Variants in FMN1 observed in about 807,000 individuals in gnomAD.
FMN1 encodes the protein formin 1, also known as formin-1.
In FMN1, 110 loss-of-function variants were observed where a neutral mutation model predicts 132.4. The ratio of observed to expected loss-of-function variants is 0.83; its 90% CI spans 0.71 to 0.97. The LOEUF is 0.97. Among genes scored for constraint, FMN1 ranks in the 50% least tolerant of loss-of-function variants. FMN1 has a pLI of 0.00. For synonymous variants in FMN1, 722 were observed against 651.7 expected, an observed-to-expected ratio of 1.11 and a Z score of -1.64; for missense variants, 1,792 against 1,705.3, an observed-to-expected ratio of 1.05 and a Z score of -0.90.
At chr15:33,156,337 G>A (rs1233905728) in intron 3 of FMN1, among the ~76,000 whole-genome samples, 3 of 147,380 alleles carry the variant, frequency 2.0e-5, no homozygotes, top group Non-Finnish European at 4.4e-5. Context: ...CTGGAGTACA[G>A]TGGTGCAAAC....
chr15:33,188,213 G>A (rs978947188), intron 2 of FMN1, among the ~76,000 whole-genome samples: 3 of 151,826 alleles, frequency 2.0e-5, no homozygotes, highest in Admixed American at 6.5e-5. Flanking sequence ...GGTGGCGCAC[G>A]CCTGTGATCC....
intron 4 of FMN1, among the ~76,000 whole-genome samples, chr15:33,119,633 T>C (rs376625974): frequency 5.2e-4 from 79 of 152,366 alleles, no homozygotes; most frequent in African/African-American, 1.8e-3. Flanking sequence ...TTTCAAGGGA[T>C]AGAAGTGATC....
At chr15:33,107,492 C>A (rs1373509198) in intron 4 of FMN1, among the ~76,000 whole-genome samples, 5 of 151,982 alleles carry the variant, frequency 3.3e-5, no homozygotes, top group Non-Finnish European at 7.4e-5. Flanking sequence ...CTCCCCATCT[C>A]CTAACCTCTC....
At position 32,900,107 on chromosome 15, in the gene FMN1, T is replaced by G. The variant is rs2060259618; in HGVS notation, c.3526A>C (p.Ser1176Arg). The G allele has an allele frequency of 6.2e-7, 1 of 1,613,712 alleles. No individual in the cohort carries two copies. The highest frequency in any genetic ancestry group is 1.7e-5 in the Admixed American group (1 of 60,004). The part of the protein sequence containing the change: ...RASKDLLHVK[S>R]VKDILALILA... The stretch of plus-strand genomic sequence containing the variant: ...ATGAGAGCTAAAATATCCTTCACGC[T>G]CTTCACGTGCAGCAAGTCCTGTGAT... The change falls in exon 14 of 21, where the codon AGC (serine) becomes CGC (arginine). Residue 1176 changes from serine to arginine, a missense_variant. Physicochemically the swap from Ser to Arg is moderately radical, Grantham distance 110. This residue lies in a region of FMN1 where 1,150 missense variants were observed against 1,043.1 expected (regional missense o/e 1.10). Coordinates refer to ENST00000616417, the MANE Select transcript of FMN1 (RefSeq NM_001277313.2).
chr15:33,128,337 G>A (rs982310645), intron 4 of FMN1, among the ~76,000 whole-genome samples: 8 of 152,088 alleles, frequency 5.3e-5, no homozygotes, highest in South Asian at 2.1e-4. Context: ...GTCTGATTCC[G>A]GGCCTGATCC....
chr15:32,809,251 T>G (rs577600497), intron 17 of FMN1, among the ~76,000 whole-genome samples: 2 of 152,248 alleles, frequency 1.3e-5, no homozygotes, highest in South Asian at 2.1e-4. Context: ...TTTGAGAGGT[T>G]AAGTTTTCTG....
chr15:32,894,703 T>G (rs1207959614), intron 15 of FMN1, among the ~76,000 whole-genome samples: 2 of 152,114 alleles, frequency 1.3e-5, no homozygotes, highest in Admixed American at 1.3e-4. Context: ...GACTAAGTTA[T>G]TTTTCACTAC....
chr15:33,010,524 G>T (rs891480729), intron 6 of FMN1, among the ~76,000 whole-genome samples: 9 of 151,998 alleles, frequency 5.9e-5, no homozygotes, highest in Admixed American at 5.2e-4. Context: ...GTAAGATTCA[G>T]CATAACACAA....
In FMN1 at chr15:32,938,512, G is replaced by C. The variant is rs1163187570; in HGVS notation, c.3139-12251C>G. ...CCACTGCTCGCCAGCCTGGGTGACA[G>C]AGCAAAGACTCTGTCTGAAGAAATG... On this transcript the variant is annotated intron_variant, in intron 9 of 20. Coordinates refer to ENST00000616417, the MANE Select transcript of FMN1 (RefSeq NM_001277313.2). Among the ~76,000 whole-genome samples the C allele has an allele frequency of 2.0e-5, 3 of 152,288 alleles. No individual in the cohort carries two copies. In the South Asian group the frequency reaches 6.2e-4, roughly 32 times the overall value.
chr15:32,991,149 A>G (rs1401782340), intron 7 of FMN1, among the ~76,000 whole-genome samples: 1 of 152,194 alleles, frequency 6.6e-6, no homozygotes, highest in African/African-American at 2.4e-5. Flanking sequence ...AAATAAAGGC[A>G]TTTATAGCCC....
At chr15:32,930,688 C>T (rs950993041) in intron 9 of FMN1, among the ~76,000 whole-genome samples, 5 of 151,864 alleles carry the variant, frequency 3.3e-5, no homozygotes, top group African/African-American at 1.2e-4. Context: ...TTAACATAGT[C>T]CCCTTTGTGC....
At chr15:32,964,040 C>CACACACAT in intron 9 of FMN1, 67 bp downstream of exon 9, 3 of 1,161,032 alleles carry the variant, frequency 2.6e-6, no homozygotes, top group East Asian at 2.4e-5. Flanking sequence ...CACACACACA[C>CACACACAT]ACACACACAT....
intron 4 of FMN1, among the ~76,000 whole-genome samples, chr15:33,097,059 C>T (rs1235253996): frequency 6.6e-6 from 1 of 151,922 alleles, no homozygotes; most frequent in East Asian, 1.9e-4. Flanking sequence ...TTTGGGAGGC[C>T]GAGGTGGGTG....
intron 5 of FMN1, among the ~76,000 whole-genome samples, chr15:33,079,747 T>C (rs925210128): frequency 6.6e-6 from 1 of 152,258 alleles, no homozygotes; most frequent in Non-Finnish European, 1.5e-5. Flanking sequence ...ATGATAACCA[T>C]CCTTCACATC....
intron 9 of FMN1, among the ~76,000 whole-genome samples, chr15:32,933,667 T>C (rs1415235084): frequency 6.6e-6 from 1 of 152,194 alleles, no homozygotes; most frequent in African/African-American, 2.4e-5. Flanking sequence ...CATATAACTG[T>C]TATATCTTCC....
At chr15:33,162,425 TAA>T (rs202101054) in intron 3 of FMN1, among the ~76,000 whole-genome samples, 1 of 142,834 alleles carries the variant, frequency 7.0e-6, no homozygotes, top group African/African-American at 2.6e-5. Flanking sequence ...TCAGAGGAGT[TAA>T]AAAAAAAAAG....
At chr15:32,838,493 C>T (rs1412184372) in intron 17 of FMN1, among the ~76,000 whole-genome samples, 7 of 152,084 alleles carry the variant, frequency 4.6e-5, no homozygotes, top group Non-Finnish European at 1.0e-4. Flanking sequence ...CTCAAGTAAA[C>T]ACAAACAGCA....
chr15:32,959,627 T>TA (rs1196394793), intron 9 of FMN1, among the ~76,000 whole-genome samples: 4 of 152,164 alleles, frequency 2.6e-5, no homozygotes, highest in Non-Finnish European at 4.4e-5. Flanking sequence ...TCAGAAAACT[T>TA]AAAGAGTTTA....
rs1407369963 is a variant in FMN1 at position 32,773,130 on chromosome 15, T to C, written c.*1180A>G. 1 of 152,260 alleles carries C rather than the reference T, an allele frequency of 6.6e-6. No individual in the cohort carries two copies. The highest frequency in any genetic ancestry group is 1.5e-5 in the Non-Finnish European group (1 of 68,050). The allele number at this position is 152,260 out of a possible 1,614,324, so 9.4% of individuals were successfully genotyped here. A position where few individuals can be genotyped will look rare whatever the true frequency, so the allele number is the denominator to read the frequency against. On this transcript the variant is annotated 3_prime_UTR_variant, in exon 21 of 21. Transcript: ENST00000616417. ...AGAGAGGTCAAAGGTGGTTTCCTTA[T>C]GTGACTCAAGAGCCAGGGTCAGAAA...
Sources: allele counts gnomAD v4.1 joint callset (sites outside exome capture counted in the v4.1 genomes callset), GRCh38; gene constraint gnomAD v4.1.1; regional missense constraint gnomAD v4.1.1; transcripts MANE v1.5; gene names NCBI Gene and HGNC (gene_info 2026-07-23, HGNC 2026-07-21).